RYR3: variants seen among roughly 807,000 people sequenced by gnomAD.
The protein encoded by RYR3 is brain ryanodine receptor-calcium release channel.
RYR3 carries 207 observed loss-of-function variants against 584.3 expected under a neutral mutation model. The ratio of observed to expected loss-of-function variants is 0.35; its 90% confidence interval spans 0.32 to 0.40. The LOEUF (loss-of-function observed/expected upper bound fraction) is 0.40, where lower values mean the gene tolerates loss of function less well. Among genes scored for constraint, RYR3 ranks in the 10% least tolerant of loss-of-function variants. The probability of loss-of-function intolerance (pLI) is 1.00; values close to 1 mark genes in which losing one functional copy is unlikely to be tolerated. For missense variants in RYR3, 5,616 were observed against 6,089.2 expected (o/e 0.92, Z 2.59); for synonymous variants, 2,416 against 2,248.5 (o/e 1.07, Z -2.11).
intron 1 of RYR3, among the ~76,000 whole-genome samples, chr15:33,441,341 A>G (rs1389728644): frequency 6.6e-6 from 1 of 152,232 alleles, no homozygotes; most frequent in Non-Finnish European, 1.5e-5. Flanking sequence ...GAATATTTCT[A>G]TAATGGGTGC....
chr15:33,430,650 C>T (rs985274034), intron 1 of RYR3, among the ~76,000 whole-genome samples: 1 of 152,112 alleles, frequency 6.6e-6, no homozygotes, highest in Admixed American at 6.5e-5. Flanking sequence ...AAAAACAATG[C>T]GGGGACATGT....
At chr15:33,419,300 A>T (rs1435553301) in intron 1 of RYR3, among the ~76,000 whole-genome samples, 1 of 152,144 alleles carries the variant, frequency 6.6e-6, no homozygotes, top group Non-Finnish European at 1.5e-5. Flanking sequence ...AAGCACATTG[A>T]AATTCTTCAA....
intron 16 of RYR3, among the ~76,000 whole-genome samples, chr15:33,599,344 C>T (rs1023834829): frequency 9.9e-5 from 15 of 152,142 alleles, no homozygotes; most frequent in Admixed American, 5.9e-4. Flanking sequence ...AGGACACGCT[C>T]GTGACACAGC....
intron 1 of RYR3, among the ~76,000 whole-genome samples, chr15:33,435,566 A>C (rs765335516): frequency 6.6e-6 from 1 of 152,186 alleles, no homozygotes; most frequent in Non-Finnish European, 1.5e-5. Context: ...TGATGGGTCA[A>C]ATGGGCTATA....
intron 49 of RYR3, among the ~76,000 whole-genome samples, chr15:33,738,082 G>T (rs2069680915): frequency 6.6e-6 from 1 of 152,050 alleles, no homozygotes; most frequent in African/African-American, 2.4e-5. Flanking sequence ...ACAAGCAAAG[G>T]TCCCAGAAGA....
At chr15:33,812,730 T>C (rs1438537349) in intron 72 of RYR3, 133 bp from the exon 73 acceptor site, 6 of 779,886 alleles carry the variant, frequency 7.7e-6, no homozygotes, top group Non-Finnish European at 1.2e-5. Context: ...CAGAAGATAA[T>C]TGAGAAAATG....
chr15:33,410,567 A>C (rs907345086), intron 1 of RYR3, among the ~76,000 whole-genome samples: 1 of 152,226 alleles, frequency 6.6e-6, no homozygotes, highest in African/African-American at 2.4e-5. Flanking sequence ...AGCAATGAGA[A>C]GTCTGTGTGT....
chr15:33,475,047 G>GT (rs750196278), intron 2 of RYR3, among the ~76,000 whole-genome samples: 115 of 151,954 alleles, frequency 7.6e-4, no homozygotes, highest in Non-Finnish European at 1.0e-3. Flanking sequence ...AGGTTTTTTT[G>GT]TTTTTTTGTT....
intron 21 of RYR3, among the ~76,000 whole-genome samples, chr15:33,629,028 G>T (rs1296846990): frequency 1.3e-5 from 2 of 152,200 alleles, no homozygotes; most frequent in Non-Finnish European, 2.9e-5. Flanking sequence ...GAAGGCAGAA[G>T]GATAGGTGAG....
At chr15:33,653,555 A>G (rs887813944) in intron 32 of RYR3, among the ~76,000 whole-genome samples, 6 of 152,054 alleles carry the variant, frequency 3.9e-5, no homozygotes, top group African/African-American at 1.5e-4. Context: ...CTATAGTCCC[A>G]GCTACTCAGG....
Position 33,412,415 on chromosome 15 carries a change from G to C in RYR3, c.52-61004G>C, listed in dbSNP as rs2043475438. Among the ~76,000 whole-genome samples the C allele has an allele frequency of 6.6e-6, 1 of 152,130 alleles. No homozygotes were observed. Among genetic ancestry groups the C allele is most frequent in the Non-Finnish European group, 1.5e-5 (1 of 68,008 alleles). On this transcript the variant is annotated intron_variant, in intron 1 of 103. Coordinates refer to ENST00000634891, the MANE Select transcript of RYR3 (RefSeq NM_001036.6). The surrounding 1 kb of genome is among the most constrained non-coding windows in gnomAD (Gnocchi z 4.3). ...AGCGGAAACCCTGGCTCTATTTAAG[G>C]CTTCTGGAGAGAGAGCAGGTGGTGA...
intron 3 of RYR3, among the ~76,000 whole-genome samples, chr15:33,523,494 T>G (rs1310858253): frequency 2.6e-5 from 4 of 152,134 alleles, no homozygotes; most frequent in Admixed American, 2.6e-4. Context: ...GTCTGCGGCT[T>G]CATTCTTGAA....
intron 1 of RYR3, among the ~76,000 whole-genome samples, chr15:33,400,811 AC>A (rs1157496796): frequency 3.3e-5 from 5 of 152,180 alleles, no homozygotes; most frequent in African/African-American, 1.2e-4. Context: ...ACACATTAAA[AC>A]TATGACTTGA....
chr15:33,841,794 A>G, intron 90 of RYR3, 70 bp from the exon 91 acceptor site: 1 of 1,478,806 alleles, frequency 6.8e-7, no homozygotes, highest in Non-Finnish European at 9.1e-7. Flanking sequence ...TTTCTCTTTA[A>G]TCTAGTCTCC....
intron 52 of RYR3, among the ~76,000 whole-genome samples, chr15:33,745,857 A>T (rs752974216): frequency 2.2e-4 from 33 of 152,202 alleles, no homozygotes; most frequent in Non-Finnish European, 4.3e-4. Flanking sequence ...CAGCAACTGA[A>T]ACAAGAAGGA....
rs369574863 is a variant in RYR3 at position 33,670,498 on chromosome 15, C to A, written c.5802C>A (p.Ile1934=). The change falls in exon 38 of 104, where the codon ATC becomes ATA. Residue 1934 remains isoleucine (I), a synonymous_variant. Transcript: ENST00000634891. ...AACTCTGTGCCTTGGTTTACAAAAT[C>A]AAAGGCCCACCCAAGCCAGAGAAGG... ...TGKLCALVYK[I]KGPPKPEKEQ... The A allele has an allele frequency of 3.6e-4, 573 of 1,608,840 alleles. No individual in the cohort carries two copies. The highest frequency in any genetic ancestry group is 4.6e-4 in the Non-Finnish European group (547 of 1,178,486).
intron 53 of RYR3, among the ~76,000 whole-genome samples, chr15:33,746,803 C>CTT (rs367738785): frequency 0.097 from 13,101 of 135,540 alleles, 806 homozygotes; most frequent in South Asian, 0.23. Context: ...TTTCTTTCTT[C>CTT]TTTTTTTTTT....
intron 24 of RYR3, 67 bp from the exon 25 acceptor site, chr15:33,634,519 T>G: frequency 6.5e-7 from 1 of 1,543,090 alleles, no homozygotes; most frequent in South Asian, 1.1e-5. Context: ...TGGGAATATG[T>G]GAATAGGGTG....
intron 67 of RYR3, among the ~76,000 whole-genome samples, chr15:33,792,986 C>T (rs1334178102): frequency 1.3e-5 from 2 of 152,188 alleles, no homozygotes; most frequent in Non-Finnish European, 1.5e-5. Context: ...CCTCAGACAC[C>T]AGCCACAAAT....
Sources: allele counts gnomAD v4.1 joint callset (sites outside exome capture counted in the v4.1 genomes callset), GRCh38; gene constraint gnomAD v4.1.1; non-coding constraint Gnocchi (gnomAD v3.1); transcripts MANE v1.5; gene names NCBI Gene and HGNC (gene_info 2026-07-23, HGNC 2026-07-21).